Variants in PCDH1 observed in about 807,000 individuals in gnomAD.
PCDH1 encodes protocadherin-1.
PCDH1 carries 23 observed loss-of-function variants against 74.6 expected under a neutral mutation model. That is an observed-to-expected ratio of 0.31 (90% CI 0.22 to 0.44). The LOEUF (loss-of-function observed/expected upper bound fraction) is 0.44, where lower values mean the gene tolerates loss of function less well. PCDH1 is among the 20% of genes least tolerant of loss of function. PCDH1 has a pLI of 1.00. For missense variants in PCDH1, 1,214 were observed against 1,641.4 expected (o/e 0.74, Z 4.50); for synonymous variants, 647 against 686.1 (o/e 0.94, Z 0.89).
At chr5:141,856,780 C>T (rs1752356217) in intron 4 of PCDH1, among the ~76,000 whole-genome samples, 1 of 152,152 alleles carries the variant, frequency 6.6e-6, no homozygotes, top group Non-Finnish European at 1.5e-5. Flanking sequence ...TCTGAGCCCC[C>T]TGTAGCATCC....
Position 141,878,164 on chromosome 5 carries a change from C to T in PCDH1, c.40+59G>A. 2 of 1,400,496 alleles carry T rather than the reference C, an allele frequency of 1.4e-6. No homozygotes were observed. Among genetic ancestry groups the T allele is most frequent in the Non-Finnish European group, 1.9e-6 (2 of 1,071,144 alleles). The allele number at this position is 1,400,496 out of a possible 1,614,324, so 86.8% of individuals were successfully genotyped here. ...CGAGCGCCCCTCCCTCAGCTCCCGC[C>T]GGCCATGACCGCTTCGGGCCCCAAG... On this transcript the variant is annotated intron_variant, in intron 1 of 4. Coordinates refer to ENST00000287008, the MANE Select transcript of PCDH1 (RefSeq NM_032420.5). The surrounding 1 kb of genome is among the most constrained non-coding windows in gnomAD (Gnocchi z 5.5).
Position 141,863,840 on chromosome 5 carries a change from C to T in PCDH1, c.2491G>A (p.Asp831Asn). 1 of 1,614,178 alleles carries T rather than the reference C, an allele frequency of 6.2e-7. No individual in the cohort carries two copies. The highest frequency in any genetic ancestry group is 1.3e-5 in the African/African-American group (1 of 75,046). Residue 831 changes from aspartate (D) to asparagine (N), a missense_variant, in exon 3 of 5, where the codon GAC (aspartate) becomes AAC (asparagine). By Grantham distance (23) the Asp-to-Asn change is conservative (BLOSUM62 1). Around this residue, in one of 4 missense-constraint regions of PCDH1, gnomAD observed 836 missense variants for 1,182.2 expected, o/e 0.71. Coordinates refer to ENST00000287008, the MANE Select transcript of PCDH1 (RefSeq NM_032420.5). The surrounding 1 kb of genome is among the most constrained non-coding windows in gnomAD (Gnocchi z 7.5). ...LLETLLGHSLDTPLDIDIAGD... is the reference protein window; with the variant it reads ...LLETLLGHSLNTPLDIDIAGD... ...GCAATGTCAATATCCAGCGGCGTGT[C>T]CAGGCTGTGGCCCAGGAGGGTCTCC... is the stretch of plus-strand genomic sequence containing the variant.
In PCDH1 at chr5:141,862,858, CAT is replaced by C. The variant is rs1752619558; in HGVS notation, c.3099+372_3099+373del. ...AGAGAAGCACCTAGGTCTGGTCTGA[CAT>C]AGAGACCTAGGTTTGGAGTAGACTT... On this transcript the variant is annotated intron_variant, in intron 3 of 4. Transcript: ENST00000287008. The C allele has an allele frequency of 9.7e-6, 11 of 1,134,040 alleles. No homozygotes were observed. The South Asian group carries it at 4.0e-4, about 41-fold the overall frequency. The allele number at this position is 1,134,040 out of a possible 1,614,324, so 70.2% of individuals were successfully genotyped here.
In PCDH1 at chr5:141,865,885, C is replaced by T. The variant is rs562099127; in HGVS notation, c.904-458G>A. Among the ~76,000 whole-genome samples the T allele has an allele frequency of 1.6e-3, 232 of 149,536 alleles. No homozygotes were observed. The highest frequency in any genetic ancestry group is 5.5e-3 in the African/African-American group (226 of 41,236). On this transcript the variant is annotated intron_variant, in intron 2 of 4. Transcript: ENST00000287008. The surrounding 1 kb of genome is among the most constrained non-coding windows in gnomAD (Gnocchi z 4.4). Reference sequence around the variant, plus strand: ...TGTGAATGTGCACTACATGCACGCACGCATGCACATATGTATGTGTATGAT... The same window carrying T: ...TGTGAATGTGCACTACATGCACGCATGCATGCACATATGTATGTGTATGAT...
At chr5:141,860,819 A>G (rs574115770) in intron 3 of PCDH1, among the ~76,000 whole-genome samples, 1 of 152,314 alleles carries the variant, frequency 6.6e-6, no homozygotes, top group Admixed American at 6.5e-5. Flanking sequence ...TAAGGACTCA[A>G]AAAATGGAAG....
At chr5:141,874,505 C>A (rs1262696642) in intron 1 of PCDH1, among the ~76,000 whole-genome samples, 1 of 152,206 alleles carries the variant, frequency 6.6e-6, no homozygotes, top group Non-Finnish European at 1.5e-5. Flanking sequence ...GACCCATGTC[C>A]CTCAGATAGA....
chr5:141,860,421 C>T lies in PCDH1; in HGVS notation c.3099+2811G>A, dbSNP rs189143690. ...CAGCTACACAGGAGGATCGCTTGAG[C>T]CCAGGTGGCAGAGGTTGCAATGAGC... On this transcript the variant is annotated intron_variant, in intron 3 of 4. Transcript: ENST00000287008. 2.7e-3 allele frequency among the ~76,000 whole-genome samples: 410 copies of T among 151,568 alleles called. 1 individual carries two copies. Among genetic ancestry groups the T allele is most frequent in the African/African-American group, 9.6e-3 (396 of 41,262 alleles).
In PCDH1 at chr5:141,854,329, G is replaced by A. The variant is rs777750122; in HGVS notation, c.3427C>T (p.Arg1143Cys). 15 of 1,613,798 alleles carry A rather than the reference G, an allele frequency of 9.3e-6. No individual in the cohort carries two copies. The South Asian group carries it at 1.3e-4, about 14-fold the overall frequency. ...TTGAGGGCGCTGCTCTTGGTCCGGCGGCTGGGAGATGACTGGCCAGGCATC... is the reference window on the plus strand; with the variant it reads ...TTGAGGGCGCTGCTCTTGGTCCGGCAGCTGGGAGATGACTGGCCAGGCATC... ...CWMPGQSSPS[R>C]RTKSSALKLS... Residue 1143 changes from arginine to cysteine, a missense_variant, in exon 5 of 5, where the codon CGC becomes TGC. Physicochemically the swap from Arg to Cys is radical, Grantham distance 180. Around this residue, in one of 4 missense-constraint regions of PCDH1, gnomAD observed 194 missense variants for 198.3 expected, o/e 0.98. Coordinates refer to ENST00000287008, the MANE Select transcript of PCDH1 (RefSeq NM_032420.5).
intron 3 of PCDH1, among the ~76,000 whole-genome samples, chr5:141,860,614 C>T (rs535344194): frequency 6.6e-6 from 1 of 152,024 alleles, no homozygotes; most frequent in East Asian, 1.9e-4. Flanking sequence ...CCAAAACTAA[C>T]TTCACCACAG....
intron 2 of PCDH1, chr5:141,867,452 A>T (rs556042120): frequency 2.7e-6 from 1 of 376,078 alleles, no homozygotes; most frequent in South Asian, 2.0e-5. Context: ...TCATCTGCAA[A>T]ATGGGGATAA....
chr5:141,873,417 C>T (rs1425886643), intron 1 of PCDH1, among the ~76,000 whole-genome samples: 16 of 149,702 alleles, frequency 1.1e-4, no homozygotes, highest in Non-Finnish European at 1.5e-5. Flanking sequence ...GGATTACAGG[C>T]GTGAGCCACC....
Position 141,868,358 on chromosome 5 carries a change from C to T in PCDH1, c.903+211G>A, listed in dbSNP as rs1752945184. 5 of 1,296,330 alleles carry T rather than the reference C, an allele frequency of 3.9e-6. No individual in the cohort carries two copies. Among genetic ancestry groups the T allele is most frequent in the East Asian group, 2.8e-5 (1 of 35,376 alleles). The allele number at this position is 1,296,330 out of a possible 1,614,324, so 80.3% of individuals were successfully genotyped here. A position where few individuals can be genotyped will look rare whatever the true frequency, so the allele number is the denominator to read the frequency against. ...ACGGGAAACTGTTCATATGCTATTT[C>T]ACTGTCACCTAAGTAGCCTGATAGA... On this transcript the variant is annotated intron_variant, in intron 2 of 4. Coordinates refer to ENST00000287008, the MANE Select transcript of PCDH1 (RefSeq NM_032420.5). This position sits in a 1 kb window ranked among gnomAD's most constrained non-coding sequence, Gnocchi z 4.8.
chr5:141,854,104 C>A lies in PCDH1; in HGVS notation c.3652G>T (p.Asp1218Tyr). 6.4e-7 allele frequency: 1 copy of A among 1,560,492 alleles called. No homozygotes were observed. Residue 1218 changes from aspartate (D) to tyrosine (Y), a missense_variant, in exon 5 of 5, where the codon GAC (aspartate) becomes TAC (tyrosine). By Grantham distance (160) the Asp-to-Tyr change is radical. Coordinates refer to ENST00000287008, the MANE Select transcript of PCDH1 (RefSeq NM_032420.5). The part of the protein sequence containing the change: ...LEEIPLTQTS[D>Y]FPPAATPASA... ...GCCGGTGTGGCTGCGGGTGGGAAGT[C>A]CGAGGTCTGGGTCAGGGGGATTTCC...
intron 3 of PCDH1, among the ~76,000 whole-genome samples, chr5:141,857,898 G>A (rs1013993959): frequency 2.0e-5 from 3 of 151,886 alleles, no homozygotes; most frequent in Non-Finnish European, 2.9e-5. Context: ...AATACCACCC[G>A]ACTCCCCTAA....
chr5:141,860,743 TAA>T (rs952751897), intron 3 of PCDH1, among the ~76,000 whole-genome samples: 2 of 152,178 alleles, frequency 1.3e-5, no homozygotes, highest in African/African-American at 4.8e-5. Flanking sequence ...ACCCATATCA[TAA>T]AGAGTTATGA....
At position 141,863,698 on chromosome 5, in the gene PCDH1, C is replaced by G; in HGVS notation, c.2633G>C (p.Arg878Thr). The G allele has an allele frequency of 6.2e-7, 1 of 1,614,226 alleles. No homozygotes were observed. Among genetic ancestry groups the G allele is most frequent in the East Asian group, 2.2e-5 (1 of 44,892 alleles). ...IALAVLVRYC[R>T]QREAKSGYQA... Reference sequence around the variant, plus strand: ...GTAACCACTTTTGGCCTCCCGCTGTCTGCAGTAGCGCACAAGAACCGCCAG... The same window carrying G: ...GTAACCACTTTTGGCCTCCCGCTGTGTGCAGTAGCGCACAAGAACCGCCAG... The change falls in exon 3 of 5, where the codon AGA becomes ACA. Residue 878 changes from arginine (R) to threonine (T), a missense_variant. Arg to Thr is a moderately conservative substitution (Grantham distance 71, BLOSUM62 -1). This residue lies in a region of PCDH1 where 836 missense variants were observed against 1,182.2 expected (regional missense o/e 0.71). Coordinates refer to ENST00000287008, the MANE Select transcript of PCDH1 (RefSeq NM_032420.5). This position sits in a 1 kb window ranked among gnomAD's most constrained non-coding sequence, Gnocchi z 7.5.
intron 2 of PCDH1, chr5:141,867,631 A>AT (rs1752906086): frequency 2.3e-6 from 1 of 438,032 alleles, no homozygotes; most frequent in Non-Finnish European, 4.5e-6. Flanking sequence ...AAAAAAAAAA[A>AT]GGCTGAAACT....
chr5:141,869,869 A>T lies in PCDH1; in HGVS notation c.41-438T>A, dbSNP rs12515663. ...GAGATAGGGAGAGAGAGCCAGTGGA[A>T]GGGTGAGACCTCGAGCATCCCCAAC... On this transcript the variant is annotated intron_variant, in intron 1 of 4. Coordinates refer to ENST00000287008, the MANE Select transcript of PCDH1 (RefSeq NM_032420.5). The surrounding 1 kb of genome is among the most constrained non-coding windows in gnomAD (Gnocchi z 4.9). 2 of 925,660 alleles carry T rather than the reference A, an allele frequency of 2.2e-6. No individual in the cohort carries two copies. The highest frequency in any genetic ancestry group is 5.0e-5 in the South Asian group (1 of 20,170). 57.3% of individuals were successfully genotyped at this position (925,660 alleles called of 1,614,324 possible). A position where few individuals can be genotyped will look rare whatever the true frequency, so the allele number is the denominator to read the frequency against.
At chr5:141,867,223 C>T (rs1428567108) in intron 2 of PCDH1, among the ~76,000 whole-genome samples, 2 of 152,322 alleles carry the variant, frequency 1.3e-5, no homozygotes, top group Non-Finnish European at 2.9e-5. Flanking sequence ...GATTCTTCCC[C>T]TTTCCCACAG....
Sources: gnomAD v4.1 joint callset for allele counts (sites outside exome capture counted in the v4.1 genomes callset) on GRCh38, gnomAD v4.1.1 for gene constraint, gnomAD v4.1.1 regional missense constraint, Gnocchi (gnomAD v3.1) non-coding constraint, MANE v1.5 for transcripts, NCBI Gene and HGNC (gene_info 2026-07-23, HGNC 2026-07-21) for gene names.